CHAF1A: variants seen among roughly 807,000 people sequenced by gnomAD.
CHAF1A encodes chromatin assembly factor 1 subunit A, also known as CAF-1 subunit A.
A neutral mutation model predicts 93.2 loss-of-function variants in CHAF1A; 5 were observed. That is an observed-to-expected ratio of 0.05 (90% CI 0.03 to 0.11). The LOEUF is 0.11. Ranked by LOEUF, CHAF1A falls within the 10% of genes least tolerant of loss-of-function variation. The probability of loss-of-function intolerance (pLI) is 1.00; values close to 1 mark genes in which losing one functional copy is unlikely to be tolerated. For synonymous variants in CHAF1A, 504 were observed against 510.3 expected (o/e 0.99, Z 0.17); for missense variants, 1,102 against 1,259.9 (o/e 0.87, Z 1.90).
At chr19:4,416,674 G>A (rs1973902346) in intron 3 of CHAF1A, among the ~76,000 whole-genome samples, 1 of 152,192 alleles carries the variant, frequency 6.6e-6, no homozygotes, top group African/African-American at 2.4e-5. Flanking sequence ...TGGATCACCT[G>A]AGGTCAGGAG....
chr19:4,424,622 G>A (rs1482244572), intron 7 of CHAF1A, among the ~76,000 whole-genome samples: 1 of 151,826 alleles, frequency 6.6e-6, no homozygotes, highest in Non-Finnish European at 1.5e-5. Context: ...GTGCCACCAT[G>A]CCTGGCTAAT....
At position 4,409,020 on chromosome 19, in the gene CHAF1A, C is replaced by T. The variant is rs891582638; in HGVS notation, c.221C>T (p.Thr74Ile). ...CCCGATTTAGAGGCCTCTTTGGACA[C>T]CTTGGAAAACAACTGTCATGTGGGT... is the stretch of plus-strand genomic sequence containing the variant. ...KSPDLEASLD[T>I]LENNCHVGSD... The change falls in exon 3 of 15, where the codon ACC becomes ATC. Residue 74 changes from threonine to isoleucine, a missense_variant. Thr to Ile is a moderately conservative substitution (Grantham distance 89). Around this residue, in one of 6 missense-constraint regions of CHAF1A, gnomAD observed 379 missense variants for 365.7 expected, o/e 1.04. Coordinates refer to ENST00000301280, the MANE Select transcript of CHAF1A (RefSeq NM_005483.3). The T allele has an allele frequency of 2.5e-6, 4 of 1,614,124 alleles. No individual in the cohort carries two copies. In the East Asian group the frequency reaches 8.9e-5, roughly 36 times the overall value.
intron 8 of CHAF1A, chr19:4,429,166 G>A: frequency 1.7e-6 from 1 of 590,570 alleles, no homozygotes; most frequent in Non-Finnish European, 3.0e-6. Context: ...CCTCGCTCTT[G>A]CAAATCTCAT....
intron 3 of CHAF1A, among the ~76,000 whole-genome samples, chr19:4,413,795 C>A (rs943061621): frequency 2.6e-5 from 4 of 152,170 alleles, no homozygotes; most frequent in African/African-American, 9.7e-5. Context: ...ACTGCAGGAT[C>A]TGGAGAATCT....
chr19:4,433,174 A>G lies in CHAF1A; in HGVS notation c.2308A>G (p.Thr770Ala), dbSNP rs770456416. 2 of 1,613,520 alleles carry G rather than the reference A, an allele frequency of 1.2e-6. No individual in the cohort carries two copies. Among genetic ancestry groups the G allele is most frequent in the Non-Finnish European group, 8.5e-7 (1 of 1,179,796 alleles). The change falls in exon 13 of 15, where the codon ACC becomes GCC. Residue 770 changes from threonine to alanine, a missense_variant. Thr to Ala is a moderately conservative substitution (Grantham distance 58). Around this residue, in one of 6 missense-constraint regions of CHAF1A, gnomAD observed 335 missense variants for 361.9 expected, o/e 0.93. Transcript: ENST00000301280. The surrounding 1 kb of genome is among the most constrained non-coding windows in gnomAD (Gnocchi z 5.6). ...CCGCCGGGGACTGCTCAGCAACCAC[A>G]CCGGCAGCCCGCGGAGCCCCTCCAC... Reference protein sequence around the residue: ...HCRRGLLSNHTGSPRSPSTTY... With the variant: ...HCRRGLLSNHAGSPRSPSTTY...
At chr19:4,408,748 A>T in intron 2 of CHAF1A, 155 bp from the exon 3 acceptor site, 1 of 887,892 alleles carries the variant, frequency 1.1e-6, no homozygotes, top group Non-Finnish European at 1.7e-6. Flanking sequence ...TGCTGGGATT[A>T]CAGGCATGAG....
At chr19:4,425,621 A>G (rs1974067338) in intron 7 of CHAF1A, among the ~76,000 whole-genome samples, 1 of 152,196 alleles carries the variant, frequency 6.6e-6, no homozygotes. Context: ...TGCTAGGATC[A>G]CAGGCATGAG....
chr19:4,428,898 C>T lies in CHAF1A; in HGVS notation c.1604+8C>T. 6.2e-7 allele frequency: 1 copy of T among 1,610,022 alleles called. No individual in the cohort carries two copies. On this transcript the variant is annotated splice_region_variant and intron_variant, in intron 8 of 14. Transcript: ENST00000301280. ...TGCAGATATTTTTAACAGGTCAGAG[C>T]CTGAGGAGGTCGGCCTTCACCCACT...
At chr19:4,428,135 G>A (rs1184775976) in intron 7 of CHAF1A, among the ~76,000 whole-genome samples, 1 of 150,970 alleles carries the variant, frequency 6.6e-6, no homozygotes, top group Non-Finnish European at 1.5e-5. Flanking sequence ...TGGGATTACA[G>A]GCATGAGCCA....
At chr19:4,444,095 TA>T (rs370958356), downstream of CHAF1A, among the ~76,000 whole-genome samples, 298 of 152,262 alleles carry the variant, frequency 2.0e-3, 1 homozygote, top group African/African-American at 6.9e-3. Context: ...TGATGAGCTT[TA>T]CAGGGGCTCC....
At chr19:4,406,729 G>C (rs759721354) in intron 2 of CHAF1A, among the ~76,000 whole-genome samples, 5 of 152,194 alleles carry the variant, frequency 3.3e-5, no homozygotes, top group Non-Finnish European at 5.9e-5. Flanking sequence ...CACCGCACCC[G>C]GCCCAGATTG....
rs540234491 is a variant in CHAF1A at position 4,426,708 on chromosome 19, A to G, written c.1378-1956A>G. Among the ~76,000 whole-genome samples, 5 of 147,780 alleles carry G rather than the reference A, an allele frequency of 3.4e-5. No homozygotes were observed. The East Asian group carries it at 1.0e-3, about 30-fold the overall frequency. On this transcript the variant is annotated intron_variant, in intron 7 of 14. Transcript: ENST00000301280. The stretch of plus-strand genomic sequence containing the variant: ...AGGCTTGTCTTGAACTACTGACCTC[A>G]GGTGATCCGCCTACCTCGGCCTCCC...
downstream of CHAF1A, chr19:4,447,443 C>A: frequency 1.6e-6 from 2 of 1,251,332 alleles, no homozygotes; most frequent in Admixed American, 1.7e-5. Context: ...TCAACTCTCG[C>A]TAGCTCCTCC....
At chr19:4,430,118 T>C (rs574956383) in intron 10 of CHAF1A, 34 of 370,390 alleles carry the variant, frequency 9.2e-5, no homozygotes, top group African/African-American at 6.9e-4. Flanking sequence ...CCTAGTGGGC[T>C]TTCTGCCGAT....
chr19:4,430,731 T>C, intron 11 of CHAF1A, 90 bp downstream of exon 11: 1 of 1,363,222 alleles, frequency 7.3e-7, no homozygotes, highest in Non-Finnish European at 1.0e-6. Flanking sequence ...GTGACGGGGG[T>C]CCCAGCCCAA....
rs749611108 is a variant in CHAF1A at position 4,442,972 on chromosome 19, G to A, written c.2818G>A (p.Gly940Arg). 1 of 1,605,130 alleles carries A rather than the reference G, an allele frequency of 6.2e-7. No homozygotes were observed. The highest frequency in any genetic ancestry group is 8.5e-7 in the Non-Finnish European group (1 of 1,176,618). The stretch of plus-strand genomic sequence containing the variant: ...CGCTTCCGGAGCTGGGGGTGGTGTG[G>A]GGGTGGACACCGGCAAGGCCACCCT... ...GAASGAGGGV[G>R]VDTGKATLTA... Residue 940 changes from glycine (G) to arginine (R), a missense_variant, in exon 15 of 15, where the codon GGG (glycine) becomes AGG (arginine). Gly to Arg is a moderately radical substitution (Grantham distance 125). Coordinates refer to ENST00000301280, the MANE Select transcript of CHAF1A (RefSeq NM_005483.3).
intron 13 of CHAF1A, among the ~76,000 whole-genome samples, chr19:4,435,211 C>T (rs1398698836): frequency 1.3e-5 from 2 of 151,270 alleles, no homozygotes; most frequent in Non-Finnish European, 2.9e-5. Context: ...CTGGCTCAGC[C>T]TCCCGAGTAG....
At position 4,422,647 on chromosome 19, in the gene CHAF1A, G is replaced by C; in HGVS notation, c.1099G>C (p.Ala367Pro). 6.2e-7 allele frequency: 1 copy of C among 1,603,964 alleles called. No individual in the cohort carries two copies. Among genetic ancestry groups the C allele is most frequent in the Non-Finnish European group, 8.5e-7 (1 of 1,175,202 alleles). ...KEKLKEEAKR[A>P]KEEAKKKKEE... ...GAAGCTGAAAGAGGAGGCCAAGCGG[G>C]CCAAGGAGGAGGCCAAGAAGAAGAA... is the stretch of plus-strand genomic sequence containing the variant. Residue 367 changes from alanine (A) to proline (P), a missense_variant, in exon 5 of 15, where the codon GCC (alanine) becomes CCC (proline). Coordinates refer to ENST00000301280, the MANE Select transcript of CHAF1A (RefSeq NM_005483.3). This position sits in a 1 kb window ranked among gnomAD's most constrained non-coding sequence, Gnocchi z 4.6.
Position 4,409,047 on chromosome 19 carries a change from C to T in CHAF1A, c.248C>T (p.Ser83Phe). The change falls in exon 3 of 15, where the codon TCT (serine) becomes TTT (phenylalanine). Residue 83 changes from serine (S) to phenylalanine (F), a missense_variant. By Grantham distance (155) the Ser-to-Phe change is radical. Transcript: ENST00000301280. ...TTGGAAAACAACTGTCATGTGGGTTCTGACATAGACTTTAGACCGAAACTT... is the reference window on the plus strand; with the variant it reads ...TTGGAAAACAACTGTCATGTGGGTTTTGACATAGACTTTAGACCGAAACTT... ...DTLENNCHVG[S>F]DIDFRPKLVN... 6.2e-7 allele frequency: 1 copy of T among 1,614,180 alleles called. No homozygotes were observed. Among genetic ancestry groups the T allele is most frequent in the Non-Finnish European group, 8.5e-7 (1 of 1,180,038 alleles).
Sources: gnomAD v4.1 joint callset for allele counts (sites outside exome capture counted in the v4.1 genomes callset) on GRCh38, gnomAD v4.1.1 for gene constraint, gnomAD v4.1.1 regional missense constraint, Gnocchi (gnomAD v3.1) non-coding constraint, MANE v1.5 for transcripts, NCBI Gene and HGNC (gene_info 2026-07-23, HGNC 2026-07-21) for gene names.